Variants in ACADL observed in about 807,000 individuals in gnomAD.
The protein encoded by ACADL is acyl-CoA dehydrogenase long chain, also known as long-chain specific acyl-CoA dehydrogenase, mitochondrial.
A neutral mutation model predicts 56.9 loss-of-function variants in ACADL; 60 were observed. That is an observed-to-expected ratio of 1.05 (90% CI 0.86 to 1.31). ACADL has a LOEUF of 1.31. Among genes scored for constraint, ACADL ranks in the 50% most tolerant of loss-of-function variants. The probability of loss-of-function intolerance (pLI) is 0.00; values close to 1 mark genes in which losing one functional copy is unlikely to be tolerated. For synonymous variants in ACADL, 158 were observed against 179.7 expected (o/e 0.88, Z 0.97); for missense variants, 484 against 525.5 (o/e 0.92, Z 0.77).
intron 1 of ACADL, among the ~76,000 whole-genome samples, chr2:210,223,250 G>A (rs1170961446): frequency 6.6e-6 from 1 of 152,212 alleles, no homozygotes; most frequent in Non-Finnish European, 1.5e-5. Flanking sequence ...ATTGCAACAT[G>A]TATTTCTCAG....
intron 9 of ACADL, among the ~76,000 whole-genome samples, chr2:210,194,255 G>T (rs867095073): frequency 1.9e-4 from 29 of 152,188 alleles, no homozygotes; most frequent in Middle Eastern, 3.4e-3. Flanking sequence ...GCAAGTTTCT[G>T]AAAAGTAATT....
intron 10 of ACADL, among the ~76,000 whole-genome samples, chr2:210,192,457 T>G (rs891468982): frequency 2.0e-5 from 3 of 152,058 alleles, no homozygotes; most frequent in Admixed American, 2.0e-4. Flanking sequence ...GCCACTGTAC[T>G]CCAACCTGGG....
At chr2:210,202,586 A>G (rs1688810155) in intron 8 of ACADL, among the ~76,000 whole-genome samples, 2 of 152,076 alleles carry the variant, frequency 1.3e-5, no homozygotes, top group African/African-American at 4.8e-5. Flanking sequence ...TTTCTCAAAG[A>G]CCTTACGCAG....
chr2:210,211,676 G>A (rs985710101), intron 4 of ACADL, among the ~76,000 whole-genome samples: 3 of 152,044 alleles, frequency 2.0e-5, no homozygotes, highest in Admixed American at 6.6e-5. Context: ...TAAGTTTCCT[G>A]AGGCCTCCCA....
intron 4 of ACADL, among the ~76,000 whole-genome samples, chr2:210,215,139 A>G (rs979839258): frequency 2.6e-5 from 4 of 152,182 alleles, no homozygotes; most frequent in African/African-American, 9.6e-5. Context: ...CTGTTGACCC[A>G]CAAGTTGCTG....
At chr2:210,225,160 G>A (rs2125721337) in intron 1 of ACADL, 27 bp downstream of exon 1, 2 of 1,528,524 alleles carry the variant, frequency 1.3e-6, no homozygotes, top group Non-Finnish European at 1.7e-6. Context: ...CCGGCCTGCA[G>A]CCGCGGAAGT....
intron 1 of ACADL, among the ~76,000 whole-genome samples, chr2:210,222,504 C>CAAAAAA (rs1214998824): frequency 1.9e-5 from 1 of 51,726 alleles, no homozygotes; most frequent in Non-Finnish European, 3.9e-5. Context: ...AACAAACAAA[C>CAAAAAA]AAACAAAAAA....
At chr2:210,202,827 A>C (rs192236488) in intron 8 of ACADL, among the ~76,000 whole-genome samples, 1 of 152,076 alleles carries the variant, frequency 6.6e-6, no homozygotes, top group Non-Finnish European at 1.5e-5. Context: ...GCCTACCATC[A>C]GTATTGTTTT....
At chr2:210,205,019 TTTTG>T (rs765556802) in intron 6 of ACADL, among the ~76,000 whole-genome samples, 22 of 152,222 alleles carry the variant, frequency 1.4e-4, no homozygotes, top group South Asian at 1.2e-3. Context: ...TCTGGGTTTT[TTTTG>T]TTTGTTTGTT....
At chr2:210,210,098 G>A (rs530628263) in intron 5 of ACADL, 98 bp downstream of exon 5, 17 of 919,660 alleles carry the variant, frequency 1.8e-5, no homozygotes, top group East Asian at 1.7e-4. Context: ...TCCTGCCTGA[G>A]TCCCTAGATT....
At chr2:210,192,225 G>A (rs1443827372) in intron 10 of ACADL, among the ~76,000 whole-genome samples, 1 of 148,368 alleles carries the variant, frequency 6.7e-6, no homozygotes, top group East Asian at 2.0e-4. Flanking sequence ...AGTGGCTCAC[G>A]CCTGTAATCC....
intron 5 of ACADL, among the ~76,000 whole-genome samples, chr2:210,209,432 C>T (rs894338916): frequency 2.6e-5 from 4 of 152,098 alleles, no homozygotes; most frequent in Admixed American, 6.5e-5. Flanking sequence ...TAATTGGAAG[C>T]GCTCTCCAAT....
intron 1 of ACADL, chr2:210,224,919 G>A (rs1322906417): frequency 3.1e-6 from 4 of 1,309,800 alleles, no homozygotes; most frequent in Non-Finnish European, 3.9e-6. Flanking sequence ...TGAACTTCTG[G>A]AGAAATCTTT....
Position 210,195,296 on chromosome 2 carries a change from C to T in ACADL, c.1027G>A (p.Val343Ile). Reference sequence around the variant, plus strand: ...CAGTTGTCCACAAATGCTCGGGTTACACATATATGTGTTTTTAATTCTGCT... The same window carrying T: ...CAGTTGTCCACAAATGCTCGGGTTATACATATATGTGTTTTTAATTCTGCT... Reference protein sequence around the residue: ...KLAELKTHICVTRAFVDNCLQ... With the variant: ...KLAELKTHICITRAFVDNCLQ... The change falls in exon 9 of 11, where the codon GTA (valine) becomes ATA (isoleucine). Residue 343 changes from valine (V) to isoleucine (I), a missense_variant. Val to Ile is a conservative substitution (Grantham distance 29). Coordinates refer to ENST00000233710, the MANE Select transcript of ACADL (RefSeq NM_001608.4). 6.2e-7 allele frequency: 1 copy of T among 1,613,592 alleles called. No homozygotes were observed. Among genetic ancestry groups the T allele is most frequent in the South Asian group, 1.1e-5 (1 of 91,072 alleles).
At chr2:210,218,139 T>A (rs550553923) in intron 2 of ACADL, 37 bp from the exon 3 acceptor site, 34 of 1,553,910 alleles carry the variant, frequency 2.2e-5, no homozygotes, top group Admixed American at 1.4e-4. Context: ...AGATAATTTT[T>A]AAATATTATT....
chr2:210,216,191 G>A (rs992841238), intron 4 of ACADL, among the ~76,000 whole-genome samples, 156 bp downstream of exon 4: 3 of 152,008 alleles, frequency 2.0e-5, no homozygotes, highest in Admixed American at 6.6e-5. Context: ...ATTATAATCC[G>A]CTTTATTGTT....
chr2:210,205,976 CAG>C (rs1688882385), intron 5 of ACADL, among the ~76,000 whole-genome samples, 180 bp from the exon 6 acceptor site: 1 of 152,084 alleles, frequency 6.6e-6, no homozygotes, highest in African/African-American at 2.4e-5. Flanking sequence ...TATCAAGGAT[CAG>C]GGGAAAAATT....
intron 8 of ACADL, among the ~76,000 whole-genome samples, chr2:210,197,505 A>G (rs1688728969): frequency 6.6e-6 from 1 of 152,186 alleles, no homozygotes; most frequent in Non-Finnish European, 1.5e-5. Context: ...ACAAAAAAAG[A>G]AAAAAATAGG....
intron 5 of ACADL, among the ~76,000 whole-genome samples, chr2:210,207,625 C>T (rs1031470985): frequency 3.9e-5 from 6 of 152,090 alleles, no homozygotes; most frequent in Admixed American, 1.3e-4. Context: ...CTCAAATTTA[C>T]CAAAATGATC....
Sources: gnomAD v4.1 joint callset for allele counts (sites outside exome capture counted in the v4.1 genomes callset) on GRCh38, gnomAD v4.1.1 for gene constraint, MANE v1.5 for transcripts, NCBI Gene and HGNC (gene_info 2026-07-23, HGNC 2026-07-21) for gene names.